DGKG: variants seen among roughly 807,000 people sequenced by gnomAD.
DGKG encodes DAG kinase gamma.
A neutral mutation model predicts 105.3 loss-of-function variants in DGKG; 78 were observed. That is an observed-to-expected ratio of 0.74 (90% CI 0.62 to 0.89). The LOEUF is 0.89. Ranked by LOEUF, DGKG falls within the 40% of genes least tolerant of loss-of-function variation. The pLI, the probability that DGKG is intolerant of heterozygous loss-of-function variation, is 0.00. For synonymous variants in DGKG, 346 were observed against 367.1 expected, an observed-to-expected ratio of 0.94 and a Z score of 0.66; for missense variants, 958 against 1,020.1, an observed-to-expected ratio of 0.94 and a Z score of 0.83.
chr3:186,272,487 C>T (rs547621441), intron 10 of DGKG, 144 bp from the exon 11 acceptor site: 28 of 647,816 alleles, frequency 4.3e-5, no homozygotes, highest in East Asian at 1.7e-4. Context: ...TCTTGCCTAA[C>T]GGAAATTCAA....
chr3:186,226,721 CT>C lies in DGKG; in HGVS notation c.1827-14837del, dbSNP rs1719877082. ...TTGGCTTGATTGGCAGTTTGGAATG[CT>C]CTCCAAAAAGGCCCACTTTCAGGAT... On this transcript the variant is annotated intron_variant, in intron 20 of 24. Coordinates refer to ENST00000265022, the MANE Select transcript of DGKG (RefSeq NM_001346.3). This position sits in a 1 kb window ranked among gnomAD's most constrained non-coding sequence, Gnocchi z 4.2. Among the ~76,000 whole-genome samples, 1 of 152,172 alleles carries C rather than the reference CT, an allele frequency of 6.6e-6. No homozygotes were observed. The highest frequency in any genetic ancestry group is 2.1e-4 in the South Asian group (1 of 4,828).
In DGKG at chr3:186,149,049, C is replaced by G; in HGVS notation, c.*1041G>C. On this transcript the variant is annotated 3_prime_UTR_variant, in exon 25 of 25. Coordinates refer to ENST00000265022, the MANE Select transcript of DGKG (RefSeq NM_001346.3). The stretch of plus-strand genomic sequence containing the variant: ...ACGCGCGCACACACGTTAAGACCAT[C>G]AGAAGGTCCTTCAGGTCATACTCTG... 1.0e-6 allele frequency: 1 copy of G among 983,660 alleles called. No homozygotes were observed. Among genetic ancestry groups the G allele is most frequent in the Non-Finnish European group, 1.2e-6 (1 of 829,606 alleles). The allele number at this position is 983,660 out of a possible 1,614,324, so 60.9% of individuals were successfully genotyped here.
At chr3:186,279,653 G>A (rs1252446114) in intron 9 of DGKG, 198 bp downstream of exon 9, 1 of 512,080 alleles carries the variant, frequency 2.0e-6, no homozygotes, top group Non-Finnish European at 3.4e-6. Context: ...TAGTAATAAT[G>A]TAGTAAATGT....
chr3:186,207,039 G>A (rs745472196), intron 21 of DGKG, among the ~76,000 whole-genome samples: 11 of 152,188 alleles, frequency 7.2e-5, no homozygotes, highest in South Asian at 4.2e-4. Flanking sequence ...ATGAGCCACC[G>A]CACCCAGCTG....
chr3:186,177,204 G>A (rs931041931), intron 22 of DGKG, among the ~76,000 whole-genome samples: 3 of 152,044 alleles, frequency 2.0e-5, no homozygotes, highest in Admixed American at 2.0e-4. Flanking sequence ...AGATCCTATT[G>A]CTCCCGGCTG....
chr3:186,291,452 C>A (rs1723305550), intron 5 of DGKG, among the ~76,000 whole-genome samples: 1 of 152,104 alleles, frequency 6.6e-6, no homozygotes, highest in Non-Finnish European at 1.5e-5. Flanking sequence ...ATATTTATAA[C>A]ATTTTTATTT....
intron 17 of DGKG, among the ~76,000 whole-genome samples, chr3:186,255,844 G>A (rs1447685905): frequency 6.6e-6 from 1 of 152,220 alleles, no homozygotes; most frequent in Non-Finnish European, 1.5e-5. Context: ...AACAAGTGCT[G>A]AAATGAGAGT....
rs115801846 is a variant in DGKG at position 186,346,258 on chromosome 3, G to C, written c.-249+15688C>G. Among the ~76,000 whole-genome samples the C allele has an allele frequency of 6.3e-3, 959 of 152,216 alleles. 11 individuals are homozygous for C. The highest frequency in any genetic ancestry group is 0.022 in the African/African-American group (901 of 41,536). ...GCTGTTGTGCTTCAATTTCCTTGCA[G>C]TCCGTCCATATTTCATTCACATCTT... is the stretch of plus-strand genomic sequence containing the variant. On this transcript the variant is annotated intron_variant, in intron 1 of 24. Transcript: ENST00000265022.
rs547430683 is a variant in DGKG, at chr3:186,284,677, C to A, written c.577G>T (p.Gly193Cys). The A allele has an allele frequency of 3.7e-6, 6 of 1,613,700 alleles. No homozygotes were observed. The highest frequency in any genetic ancestry group is 5.1e-6 in the Non-Finnish European group (6 of 1,179,790). The change falls in exon 7 of 25, where the codon GGT becomes TGT. Residue 193 changes from glycine (G) to cysteine (C), a missense_variant. Physicochemically the swap from Gly to Cys is radical, Grantham distance 159. Around this residue, in one of 2 missense-constraint regions of DGKG, gnomAD observed 643 missense variants for 619.5 expected, o/e 1.04. Transcript: ENST00000265022. The surrounding 1 kb of genome is among the most constrained non-coding windows in gnomAD (Gnocchi z 4.0). ...MFRLYDSDEN[G>C]LLDQAEMDCI... ...GAACTTACCGCTTGGTCCAGGAGAC[C>A]GTTCTCATCTGAATCATAGAGGCGA...
At chr3:186,216,947 T>C (rs1321704195) in intron 20 of DGKG, among the ~76,000 whole-genome samples, 1 of 152,214 alleles carries the variant, frequency 6.6e-6, no homozygotes, top group Non-Finnish European at 1.5e-5. Flanking sequence ...TTATTTAAAT[T>C]ATTTGAACCT....
chr3:186,341,617 G>C (rs1726089939), intron 1 of DGKG, among the ~76,000 whole-genome samples: 1 of 152,210 alleles, frequency 6.6e-6, no homozygotes, highest in Admixed American at 6.5e-5. Flanking sequence ...TAATTATAAA[G>C]AATACTAGAG....
intron 5 of DGKG, among the ~76,000 whole-genome samples, chr3:186,295,667 ACT>A (rs1429055092): frequency 8.0e-6 from 1 of 125,690 alleles, no homozygotes; most frequent in Non-Finnish European, 1.7e-5. Flanking sequence ...AAAAGGTCTG[ACT>A]CTCTGAGTCT....
intron 1 of DGKG, among the ~76,000 whole-genome samples, chr3:186,349,933 A>G (rs1341753495): frequency 6.6e-6 from 1 of 151,314 alleles, no homozygotes; most frequent in Non-Finnish European, 1.5e-5. Context: ...TGCCCAGGCT[A>G]GAGTGCAGTG....
chr3:186,331,945 C>T (rs1725624229), intron 1 of DGKG, among the ~76,000 whole-genome samples: 1 of 152,088 alleles, frequency 6.6e-6, no homozygotes, highest in South Asian at 2.1e-4. Context: ...AGAAGCAGGC[C>T]CAGAGTAATT....
rs114365284 is a variant in DGKG at position 186,169,903 on chromosome 3, A to C, written c.2096-4885T>G. Among the ~76,000 whole-genome samples, 359 of 152,292 alleles carry C rather than the reference A, an allele frequency of 2.4e-3. 2 individuals are homozygous for C. The highest frequency in any genetic ancestry group is 8.1e-3 in the African/African-American group (338 of 41,562). ...GGGTCTGGGTTGAATAGGAAAGGAG[A>C]TGGACTGAATGAAAAGGGAGAAGGT... On this transcript the variant is annotated intron_variant, in intron 22 of 24. Transcript: ENST00000265022.
At chr3:186,154,045 C>T (rs1004105258) in intron 24 of DGKG, among the ~76,000 whole-genome samples, 3 of 152,128 alleles carry the variant, frequency 2.0e-5, no homozygotes, top group Non-Finnish European at 4.4e-5. Context: ...GGCAGTGAGC[C>T]GTGTTCTCGC....
chr3:186,224,819 G>A (rs981449691), intron 20 of DGKG, among the ~76,000 whole-genome samples: 1 of 139,220 alleles, frequency 7.2e-6, no homozygotes, highest in Non-Finnish European at 1.5e-5. Context: ...CATGCTGGAA[G>A]AAGACAATCT....
At position 186,210,452 on chromosome 3, in the gene DGKG, GC is replaced by G. The variant is rs1453999228; in HGVS notation, c.1917+1342del. Among the ~76,000 whole-genome samples the G allele has an allele frequency of 6.6e-6, 1 of 152,198 alleles. No homozygotes were observed. Among genetic ancestry groups the G allele is most frequent in the African/African-American group, 2.4e-5 (1 of 41,470 alleles). ...CTGGGGACACACAACCTGGCGCCTG[GC>G]CTCTCTGCCCTCTTACCAAGCTGGC... On this transcript the variant is annotated intron_variant, in intron 21 of 24. Coordinates refer to ENST00000265022, the MANE Select transcript of DGKG (RefSeq NM_001346.3). The surrounding 1 kb of genome is among the most constrained non-coding windows in gnomAD (Gnocchi z 5.2).
intron 24 of DGKG, chr3:186,158,287 AG>A (rs1389101023): frequency 1.2e-6 from 1 of 826,710 alleles, no homozygotes; most frequent in Non-Finnish European, 1.5e-6. Context: ...ATATGATGGA[AG>A]ATTATGAGGC....
Sources: allele counts gnomAD v4.1 joint callset (sites outside exome capture counted in the v4.1 genomes callset), GRCh38; gene constraint gnomAD v4.1.1; regional missense constraint gnomAD v4.1.1; non-coding constraint Gnocchi (gnomAD v3.1); transcripts MANE v1.5; gene names NCBI Gene and HGNC (gene_info 2026-07-23, HGNC 2026-07-21).